The following KIF16B variants were observed in gnomAD, a reference collection of about 807,000 sequenced individuals.
KIF16B encodes the protein kinesin family member 16B, also known as kinesin-like protein KIF16B.
A neutral mutation model predicts 156.3 loss-of-function variants in KIF16B; 98 were observed. The ratio of observed to expected loss-of-function variants is 0.63; its 90% CI spans 0.53 to 0.74. The LOEUF (loss-of-function observed/expected upper bound fraction) is 0.74, where lower values mean the gene tolerates loss of function less well. Ranked by LOEUF, KIF16B falls within the 30% of genes least tolerant of loss-of-function variation. The probability of loss-of-function intolerance (pLI) is 0.00; values close to 1 mark genes in which losing one functional copy is unlikely to be tolerated. For missense variants in KIF16B, 1,421 were observed against 1,606.5 expected, an observed-to-expected ratio of 0.88 and a Z score of 1.97; for synonymous variants, 564 against 583.7, an observed-to-expected ratio of 0.97 and a Z score of 0.49.
intron 24 of KIF16B, among the ~76,000 whole-genome samples, chr20:16,323,302 T>A (rs1042087928): frequency 6.6e-6 from 1 of 151,998 alleles, no homozygotes. Context: ...CCCACCTACA[T>A]GGTAACTAGC....
intron 17 of KIF16B, among the ~76,000 whole-genome samples, chr20:16,393,788 T>A (rs1033238181): frequency 1.3e-5 from 2 of 152,230 alleles, no homozygotes; most frequent in African/African-American, 2.4e-5. Context: ...TGGACTGAGT[T>A]TGGTAAATCC....
chr20:16,335,094 T>G (rs1365436857), intron 24 of KIF16B, among the ~76,000 whole-genome samples: 2 of 152,190 alleles, frequency 1.3e-5, no homozygotes, highest in African/African-American at 4.8e-5. Context: ...ACCAAATTTC[T>G]AACTATATTT....
intron 18 of KIF16B, among the ~76,000 whole-genome samples, chr20:16,380,996 C>T (rs1417223109): frequency 1.3e-5 from 2 of 152,134 alleles, no homozygotes; most frequent in Non-Finnish European, 2.9e-5. Flanking sequence ...AACTCCAGGT[C>T]CTACTAAATA....
chr20:16,477,453 A>C (rs2067852875), intron 12 of KIF16B, among the ~76,000 whole-genome samples: 1 of 152,204 alleles, frequency 6.6e-6, no homozygotes, highest in South Asian at 2.1e-4. Context: ...CCTCTTTAAG[A>C]TGTTTAGATG....
chr20:16,432,465 C>T (rs1186162399), intron 12 of KIF16B, among the ~76,000 whole-genome samples: 1 of 152,158 alleles, frequency 6.6e-6, no homozygotes, highest in Non-Finnish European at 1.5e-5. Context: ...CGATTCCTTA[C>T]AATCCTGGAA....
intron 15 of KIF16B, 82 bp downstream of exon 15, chr20:16,427,022 A>G: frequency 8.4e-7 from 1 of 1,193,702 alleles, no homozygotes; most frequent in South Asian, 1.8e-5. Flanking sequence ...TAATTCTAAG[A>G]TGCACATGTT....
In KIF16B at chr20:16,447,406, C is replaced by G. The variant is rs554404712; in HGVS notation, c.1303-17424G>C. Among the ~76,000 whole-genome samples the G allele has an allele frequency of 4.6e-5, 7 of 151,916 alleles. No individual in the cohort carries two copies. The East Asian group carries it at 1.4e-3, about 29-fold the overall frequency. ...TCGTGGGGCGTGGGGTAAAGGGGTC[C>G]TAGAGGATGACCTGCAACGTCACTA... On this transcript the variant is annotated intron_variant, in intron 12 of 25. Coordinates refer to ENST00000354981, the MANE Select transcript of KIF16B (RefSeq NM_024704.5).
At chr20:16,346,201 C>T (rs529863689) in intron 23 of KIF16B, among the ~76,000 whole-genome samples, 1 of 152,334 alleles carries the variant, frequency 6.6e-6, no homozygotes, top group East Asian at 1.9e-4. Flanking sequence ...GAAGCTGGGC[C>T]TCTGCAGGAA....
chr20:16,484,302 A>G (rs73241915), intron 12 of KIF16B, among the ~76,000 whole-genome samples: 2,993 of 152,314 alleles, frequency 0.02, 104 homozygotes, highest in African/African-American at 0.069. Context: ...ATCAGTAACA[A>G]CATCAGAGCT....
At chr20:16,521,468 GA>G (rs2069349175) in intron 3 of KIF16B, among the ~76,000 whole-genome samples, 1 of 151,894 alleles carries the variant, frequency 6.6e-6, no homozygotes, top group African/African-American at 2.4e-5. Context: ...CAAGATTGGA[GA>G]AAAAAGAATG....
intron 12 of KIF16B, among the ~76,000 whole-genome samples, chr20:16,491,902 C>T (rs1462966522): frequency 6.6e-6 from 1 of 152,198 alleles, no homozygotes; most frequent in Non-Finnish European, 1.5e-5. Flanking sequence ...TCACTCCCTG[C>T]TTTTGAGTAT....
At chr20:16,468,463 C>A (rs551336475) in intron 12 of KIF16B, among the ~76,000 whole-genome samples, 2 of 149,552 alleles carry the variant, frequency 1.3e-5, no homozygotes, top group Non-Finnish European at 3.0e-5. Context: ...GTAATCCCAG[C>A]TACTTGGGAG....
At chr20:16,423,981 T>C (rs557941681) in intron 15 of KIF16B, among the ~76,000 whole-genome samples, 2 of 152,222 alleles carry the variant, frequency 1.3e-5, no homozygotes, top group African/African-American at 4.8e-5. Flanking sequence ...CAACCAATTA[T>C]GGTCACTTCC....
intron 25 of KIF16B, among the ~76,000 whole-genome samples, chr20:16,311,133 C>G (rs1334273174): frequency 6.6e-6 from 1 of 152,214 alleles, no homozygotes; most frequent in African/African-American, 2.4e-5. Flanking sequence ...AGAAAGGGCT[C>G]TCTCAGGACT....
chr20:16,518,721 GA>G (rs1298950380), intron 3 of KIF16B, among the ~76,000 whole-genome samples: 1 of 152,000 alleles, frequency 6.6e-6, no homozygotes, highest in African/African-American at 2.4e-5. Flanking sequence ...TAATTTGGGA[GA>G]AAAAATATTA....
Position 16,378,960 on chromosome 20 carries a change from C to T in KIF16B, c.3042G>A (p.Arg1014=). The T allele has an allele frequency of 6.2e-7, 1 of 1,613,986 alleles. No individual in the cohort carries two copies. Among genetic ancestry groups the T allele is most frequent in the Non-Finnish European group, 8.5e-7 (1 of 1,179,978 alleles). The change falls in exon 19 of 26, where the codon AGG becomes AGA. Residue 1014 remains arginine (R), a synonymous_variant. Transcript: ENST00000354981. ...ALERALARLE[R]RHSALQRHST... ...AGTGCCTCTGCAGCGCAGAATGTCT[C>T]CTCTCCAGCCTGGCCAGGGCCCGCT...
intron 23 of KIF16B, among the ~76,000 whole-genome samples, chr20:16,349,009 G>A (rs909563819): frequency 1.4e-4 from 21 of 152,162 alleles, no homozygotes; most frequent in African/African-American, 5.1e-4. Context: ...GGTACCATAT[G>A]TGCTCTACTG....
In KIF16B at chr20:16,357,206, C is replaced by G. The variant is rs192251498; in HGVS notation, c.3499-754G>C. ...TATGTTTTTGAAGTAATAGCAATAA[C>G]AAAATAATTAGAATCATAATTATAG... On this transcript the variant is annotated intron_variant, in intron 22 of 25. Coordinates refer to ENST00000354981, the MANE Select transcript of KIF16B (RefSeq NM_024704.5). Among the ~76,000 whole-genome samples the G allele has an allele frequency of 3.2e-3, 492 of 152,270 alleles. 1 individual carries two copies. The highest frequency in any genetic ancestry group is 0.017 in the Middle Eastern group (5 of 294).
At position 16,379,273 on chromosome 20, in the gene KIF16B, T is replaced by C; in HGVS notation, c.2729A>G (p.Gln910Arg). The C allele has an allele frequency of 1.2e-6, 2 of 1,613,948 alleles. No homozygotes were observed. Among genetic ancestry groups the C allele is most frequent in the African/African-American group, 1.3e-5 (1 of 75,058 alleles). ...YRLQYKERQL[Q>R]YLLQNHLPTL... ...TGGCAAGTGATTCTGCAGGAGGTAC[T>C]GTAGCTGGCGTTCTTTATATTGCAG... Residue 910 changes from glutamine (Q) to arginine (R), a missense_variant, in exon 19 of 26, where the codon CAG (glutamine) becomes CGG (arginine). Gln to Arg is a conservative substitution (Grantham distance 43, BLOSUM62 1). Transcript: ENST00000354981.
Sources: gnomAD v4.1 joint callset for allele counts (sites outside exome capture counted in the v4.1 genomes callset) on GRCh38, gnomAD v4.1.1 for gene constraint, MANE v1.5 for transcripts, NCBI Gene and HGNC (gene_info 2026-07-23, HGNC 2026-07-21) for gene names.